Variants in RALGAPA1 observed in about 807,000 individuals in gnomAD.
RALGAPA1 encodes ral GTPase-activating protein subunit alpha-1.
RALGAPA1 carries 52 observed loss-of-function variants against 269.6 expected under a neutral mutation model. The observed-to-expected ratio is 0.19, with a 90% confidence interval of 0.15 to 0.24. The LOEUF (loss-of-function observed/expected upper bound fraction) is 0.24. Among genes scored for constraint, RALGAPA1 ranks in the 10% least tolerant of loss-of-function variants. The pLI, the probability that RALGAPA1 is intolerant of heterozygous loss-of-function variation, is 1.00. For missense variants in RALGAPA1, 1,917 were observed against 3,013.9 expected (o/e 0.64, Z 8.52); for synonymous variants, 817 against 1,008.3 (o/e 0.81, Z 3.60).
intron 6 of RALGAPA1, among the ~76,000 whole-genome samples, chr14:35,759,343 T>A (rs186806018): frequency 1.3e-5 from 2 of 152,134 alleles, no homozygotes; most frequent in Non-Finnish European, 2.9e-5. Context: ...ACCCTGAAAA[T>A]TCATATGTTG....
intron 16 of RALGAPA1, among the ~76,000 whole-genome samples, chr14:35,720,265 T>C (rs1367705415): frequency 1.3e-5 from 2 of 152,206 alleles, no homozygotes; most frequent in African/African-American, 2.4e-5. Flanking sequence ...ATTCTATGCT[T>C]ATTTTAAAAG....
intron 6 of RALGAPA1, among the ~76,000 whole-genome samples, chr14:35,758,889 G>A (rs1252368680): frequency 6.6e-6 from 1 of 152,122 alleles, no homozygotes; most frequent in African/African-American, 2.4e-5. Context: ...TAAGGTGGGA[G>A]GACTGCTTGA....
chr14:35,766,345 T>G, intron 4 of RALGAPA1: 4 of 1,281,304 alleles, frequency 3.1e-6, no homozygotes, highest in Non-Finnish European at 3.4e-6. Context: ...ATTCCCAGTT[T>G]GACAAATGTG....
chr14:35,716,033 T>TG (rs1261072334), intron 16 of RALGAPA1: 1 of 984,830 alleles, frequency 1.0e-6, no homozygotes, highest in Non-Finnish European at 1.2e-6. Context: ...ATACGAGTCA[T>TG]GTAATGACTT....
At chr14:35,655,423 A>C (rs557222654) in intron 29 of RALGAPA1, among the ~76,000 whole-genome samples, 14 of 152,244 alleles carry the variant, frequency 9.2e-5, no homozygotes, top group African/African-American at 3.4e-4. Context: ...AGATAAAGCA[A>C]AAAAACTGAA....
chr14:35,602,887 T>C (rs2059377485), intron 36 of RALGAPA1, among the ~76,000 whole-genome samples: 1 of 152,202 alleles, frequency 6.6e-6, no homozygotes, highest in Non-Finnish European at 1.5e-5. Context: ...TCTTAACATT[T>C]AGGTCTGTGA....
At chr14:35,646,031 A>G (rs928850658) in intron 31 of RALGAPA1, among the ~76,000 whole-genome samples, 3 of 152,216 alleles carry the variant, frequency 2.0e-5, no homozygotes, top group Admixed American at 6.5e-5. Flanking sequence ...ATTACAAATC[A>G]TTGCATAAAA....
At chr14:35,612,202 T>C (rs1283786167) in intron 35 of RALGAPA1, among the ~76,000 whole-genome samples, 1 of 151,738 alleles carries the variant, frequency 6.6e-6, no homozygotes, top group African/African-American at 2.4e-5. Context: ...TGAGACCTCA[T>C]CTCTACAAAA....
chr14:35,579,776 T>G (rs143601401), intron 37 of RALGAPA1, among the ~76,000 whole-genome samples: 135 of 152,284 alleles, frequency 8.9e-4, no homozygotes, highest in Non-Finnish European at 1.4e-3. Context: ...ACTGGAGTTA[T>G]GGGCAGAGTT....
intron 6 of RALGAPA1, among the ~76,000 whole-genome samples, chr14:35,759,680 C>T (rs551519022): frequency 2.0e-5 from 3 of 151,170 alleles, no homozygotes; most frequent in Admixed American, 6.6e-5. Context: ...GAGTCCGAGG[C>T]GGACCAATCA....
At position 35,797,047 on chromosome 14, in the gene RALGAPA1, G is replaced by A. The variant is rs1368046231; in HGVS notation, c.106+11683C>T. ...CGTGATCCGCCCACCTCAGCCTCCC[G>A]AAAGTATCTTTAAAAAAGAAGCCAA... On this transcript the variant is annotated intron_variant, in intron 1 of 41. Transcript: ENST00000680220. Among the ~76,000 whole-genome samples the A allele has an allele frequency of 2.6e-5, 4 of 151,952 alleles. No homozygotes were observed. In the East Asian group the frequency reaches 5.9e-4, roughly 22 times the overall value.
At chr14:35,737,758 T>TTAAA (rs2071143237) in intron 12 of RALGAPA1, among the ~76,000 whole-genome samples, 1 of 6,302 alleles carries the variant, frequency 1.6e-4, no homozygotes, top group Non-Finnish European at 2.3e-4. Context: ...AAAATCCATC[T>TTAAA]CAAAAAAAAA....
At chr14:35,683,755 C>A (rs1409180355) in intron 21 of RALGAPA1, 54 bp downstream of exon 21, 3 of 1,361,776 alleles carry the variant, frequency 2.2e-6, no homozygotes, top group South Asian at 1.6e-5. Context: ...TAATCAAATT[C>A]TTTGAAGGCT....
intron 8 of RALGAPA1, 23 bp from the exon 9 acceptor site, chr14:35,750,713 G>A: frequency 1.3e-6 from 2 of 1,521,358 alleles, no homozygotes; most frequent in Non-Finnish European, 8.9e-7. Context: ...AAAGGAAGAT[G>A]AAAACCAAAA....
intron 1 of RALGAPA1, among the ~76,000 whole-genome samples, chr14:35,776,081 T>A (rs542493778): frequency 1.6e-4 from 25 of 152,228 alleles, no homozygotes; most frequent in African/African-American, 5.8e-4. Context: ...AAAATCAGAA[T>A]AATAATTTAT....
intron 24 of RALGAPA1, among the ~76,000 whole-genome samples, chr14:35,673,531 G>A (rs1435868195): frequency 6.6e-6 from 1 of 152,130 alleles, no homozygotes; most frequent in East Asian, 1.9e-4. Context: ...TGCACTCCAA[G>A]TCTGGGTGAC....
At chr14:35,661,270 A>G (rs949757076) in intron 27 of RALGAPA1, among the ~76,000 whole-genome samples, 1 of 152,188 alleles carries the variant, frequency 6.6e-6, no homozygotes, top group African/African-American at 2.4e-5. Flanking sequence ...TTTTACCTCA[A>G]TAAAGCTAAG....
At chr14:35,599,727 G>A (rs1363893010) in intron 36 of RALGAPA1, among the ~76,000 whole-genome samples, 1 of 152,162 alleles carries the variant, frequency 6.6e-6, no homozygotes, top group African/African-American at 2.4e-5. Flanking sequence ...ACTCCAGCCT[G>A]AATGACAGAG....
chr14:35,722,906 C>T, intron 15 of RALGAPA1, 121 bp downstream of exon 15: 1 of 539,598 alleles, frequency 1.9e-6, no homozygotes, highest in Non-Finnish European at 3.3e-6. Flanking sequence ...TTGTTTAATT[C>T]TTAAAAATAA....
Sources: gnomAD v4.1 joint callset for allele counts (sites outside exome capture counted in the v4.1 genomes callset) on GRCh38, gnomAD v4.1.1 for gene constraint, MANE v1.5 for transcripts, NCBI Gene and HGNC (gene_info 2026-07-23, HGNC 2026-07-21) for gene names.